EFNB2: variants seen among roughly 807,000 people sequenced by gnomAD.
EFNB2 encodes ephrin-B2.
In EFNB2, 5 loss-of-function variants were observed where a neutral mutation model predicts 32.1. The ratio of observed to expected loss-of-function variants is 0.16; its 90% CI spans 0.08 to 0.33. EFNB2 has a LOEUF of 0.33. Ranked by LOEUF, EFNB2 falls within the 10% of genes least tolerant of loss-of-function variation. EFNB2 has a pLI of 1.00. For missense variants in EFNB2, 263 were observed against 422.6 expected (o/e 0.62, Z 3.31); for synonymous variants, 168 against 166.5 (o/e 1.01, Z -0.07).
chr13:106,530,882 G>A (rs1174855554), intron 1 of EFNB2, among the ~76,000 whole-genome samples: 1 of 152,164 alleles, frequency 6.6e-6, no homozygotes, highest in African/African-American at 2.4e-5. Flanking sequence ...TCCACCAACC[G>A]AAGGATGCAC....
At chr13:106,531,389 G>C (rs2138947533) in intron 1 of EFNB2, among the ~76,000 whole-genome samples, 1 of 152,318 alleles carries the variant, frequency 6.6e-6, no homozygotes, top group African/African-American at 2.4e-5. Context: ...TGAGGAATGT[G>C]GATGTGAAAG....
At chr13:106,528,502 A>C (rs1055498983) in intron 1 of EFNB2, among the ~76,000 whole-genome samples, 1 of 152,018 alleles carries the variant, frequency 6.6e-6, no homozygotes, top group Non-Finnish European at 1.5e-5. Flanking sequence ...CAACAAAAAA[A>C]CAGCACTGAA....
rs1594182438 is a variant in EFNB2, at chr13:106,535,090, G to A, written c.-126C>T. ...GGCGTGCGCCCGCAGGCAGCTCCGA[G>A]GCGCGCTGCGCAGCTCCAGCGGTCG... On this transcript the variant is annotated 5_prime_UTR_variant, in exon 1 of 5. Transcript: ENST00000646441. The A allele has an allele frequency of 9.5e-6, 13 of 1,364,080 alleles. No individual in the cohort carries two copies. Among genetic ancestry groups the A allele is most frequent in the Non-Finnish European group, 1.3e-5 (13 of 1,022,674 alleles). 84.5% of individuals were successfully genotyped at this position (1,364,080 alleles called of 1,614,324 possible).
chr13:106,520,227 G>A (rs1418604924), intron 1 of EFNB2: 1 of 152,152 alleles, frequency 6.6e-6, no homozygotes, highest in Non-Finnish European at 1.5e-5. Flanking sequence ...TGGAAAACAT[G>A]TACTTTTTCC....
chr13:106,534,958 C>T lies in EFNB2; in HGVS notation c.7G>A (p.Val3Met), dbSNP rs1164055421. The T allele has an allele frequency of 6.2e-7, 1 of 1,613,040 alleles. No homozygotes were observed. The highest frequency in any genetic ancestry group is 8.5e-7 in the Non-Finnish European group (1 of 1,179,514). ...TACTTCCACACGGAGTCCCTTCTCA[C>T]AGCCATGGCGAAGCCACTCCCAGCT... MA[V>M]RRDSVWKYCW... Residue 3 changes from valine (V) to methionine (M), a missense_variant, in exon 1 of 5, where the codon GTG becomes ATG. Val to Met is a conservative substitution (Grantham distance 21). Coordinates refer to ENST00000646441, the MANE Select transcript of EFNB2 (RefSeq NM_004093.4).
intron 1 of EFNB2, among the ~76,000 whole-genome samples, chr13:106,523,148 G>T (rs2138936798): frequency 6.6e-6 from 1 of 152,188 alleles, no homozygotes; most frequent in Non-Finnish European, 1.5e-5. Context: ...CACGTCTCAG[G>T]GCTTTGCCAC....
intron 1 of EFNB2, among the ~76,000 whole-genome samples, chr13:106,531,455 A>G (rs1363965586): frequency 6.6e-6 from 1 of 152,204 alleles, no homozygotes. Flanking sequence ...ATTAAAACCG[A>G]CAAGATTAAC....
intron 1 of EFNB2, among the ~76,000 whole-genome samples, chr13:106,529,143 G>T (rs1450991362): frequency 6.6e-6 from 1 of 152,068 alleles, no homozygotes. Flanking sequence ...GTTTACCTTT[G>T]CTTCTCCCAT....
At chr13:106,527,404 G>A (rs530027779) in intron 1 of EFNB2, among the ~76,000 whole-genome samples, 8 of 152,084 alleles carry the variant, frequency 5.3e-5, no homozygotes, top group Admixed American at 2.0e-4. Context: ...TTACTTACTC[G>A]TGCTTTAGAG....
Position 106,534,812 on chromosome 13 carries a change from G to A in EFNB2, c.122+31C>T. ...GGACGGCGCGGCGGACCCCGGGGCG[G>A]GGACATAGGGGGATCGCGGACGCCA... is the stretch of plus-strand genomic sequence containing the variant. On this transcript the variant is annotated intron_variant, in intron 1 of 4. Coordinates refer to ENST00000646441, the MANE Select transcript of EFNB2 (RefSeq NM_004093.4). 5 of 1,593,648 alleles carry A rather than the reference G, an allele frequency of 3.1e-6. No homozygotes were observed. The South Asian group carries it at 3.4e-5, about 11-fold the overall frequency.
rs2138893384 is a variant in EFNB2, at chr13:106,491,751, A to G, written c.*1289T>C. 1 of 152,602 alleles carries G rather than the reference A, an allele frequency of 6.6e-6. No individual in the cohort carries two copies. Among genetic ancestry groups the G allele is most frequent in the African/African-American group, 2.4e-5 (1 of 41,514 alleles). The allele number at this position is 152,602 out of a possible 1,614,324, so 9.5% of individuals were successfully genotyped here. On this transcript the variant is annotated 3_prime_UTR_variant, in exon 5 of 5. Coordinates refer to ENST00000646441, the MANE Select transcript of EFNB2 (RefSeq NM_004093.4). The stretch of plus-strand genomic sequence containing the variant: ...GAAGGAGGAACCTGGGGGGAGGGGG[A>G]TCTGACCTACCTTTTATAGATAAGG...
chr13:106,509,627 C>CTGTGTGTGTGTGTGTGTGTGTGTGTGTG (rs34068695), intron 2 of EFNB2, among the ~76,000 whole-genome samples: 2 of 142,572 alleles, frequency 1.4e-5, no homozygotes, highest in African/African-American at 2.6e-5. Context: ...CAGAGCTTGA[C>CTGTGTGTGTGTGTGTGTGTGTGTGTGTG]TGTGTGTGTG....
intron 2 of EFNB2, among the ~76,000 whole-genome samples, chr13:106,499,051 C>A (rs1878684253): frequency 6.6e-6 from 1 of 152,140 alleles, no homozygotes; most frequent in African/African-American, 2.4e-5. Flanking sequence ...GTGCCATGAA[C>A]TGTTTTAACC....
chr13:106,494,969 C>T lies in EFNB2; in HGVS notation c.525G>A (p.Arg175=), dbSNP rs1483413110. The change falls in exon 4 of 5, where the codon AGG becomes AGA. Residue 175 remains arginine, a synonymous_variant. Coordinates refer to ENST00000646441, the MANE Select transcript of EFNB2 (RefSeq NM_004093.4). ...GQDASSAGST[R]NKDPTRRPEL... is the part of the protein sequence containing the mutation. ...CTGGACGTCTTGTTGGATCTTTATT[C>T]CTGGTTGATCCAGCAGAACTTGCAT... 2 of 1,613,908 alleles carry T rather than the reference C, an allele frequency of 1.2e-6. No individual in the cohort carries two copies. The highest frequency in any genetic ancestry group is 1.7e-5 in the Admixed American group (1 of 60,004).
chr13:106,520,428 T>C (rs1257928713), intron 1 of EFNB2: 2 of 152,202 alleles, frequency 1.3e-5, no homozygotes, highest in Non-Finnish European at 2.9e-5. Context: ...CCTTGACCCT[T>C]CACCCCACCA....
chr13:106,514,907 C>A (rs1024962780), intron 1 of EFNB2, among the ~76,000 whole-genome samples: 3 of 152,198 alleles, frequency 2.0e-5, no homozygotes, highest in African/African-American at 7.2e-5. Context: ...TAAGAAAATG[C>A]ATTACACCCC....
At chr13:106,515,703 G>A (rs777193683) in intron 1 of EFNB2, among the ~76,000 whole-genome samples, 12 of 152,188 alleles carry the variant, frequency 7.9e-5, no homozygotes, top group Non-Finnish European at 1.6e-4. Flanking sequence ...GTCACTTTAA[G>A]TGAAGAAATT....
In EFNB2 at chr13:106,534,981, G is replaced by C; in HGVS notation, c.-17C>G. 6.2e-7 allele frequency: 1 copy of C among 1,612,206 alleles called. No homozygotes were observed. Among genetic ancestry groups the C allele is most frequent in the Non-Finnish European group, 8.5e-7 (1 of 1,179,110 alleles). ...CACAGCCATGGCGAAGCCACTCCCA[G>C]CTCCGCGCACTCCGGGCCAAGAAGG... On this transcript the variant is annotated 5_prime_UTR_variant, in exon 1 of 5. Transcript: ENST00000646441.
At chr13:106,517,320 T>A (rs572434795) in intron 1 of EFNB2, 1 of 152,078 alleles carries the variant, frequency 6.6e-6, no homozygotes, top group East Asian at 1.9e-4. Flanking sequence ...CCATACCACA[T>A]GGGGGGAGGC....
Sources: allele counts gnomAD v4.1 joint callset (sites outside exome capture counted in the v4.1 genomes callset), GRCh38; gene constraint gnomAD v4.1.1; transcripts MANE v1.5; gene names NCBI Gene and HGNC (gene_info 2026-07-23, HGNC 2026-07-21).